The following LPAR1 variants were observed in gnomAD, a reference collection of about 807,000 sequenced individuals.
LPAR1 encodes the protein lysophosphatidic acid receptor 1, also known as LPA receptor 1.
A neutral mutation model predicts 23.8 loss-of-function variants in LPAR1; 5 were observed. That is an observed-to-expected ratio of 0.21 (90% CI 0.11 to 0.44). The LOEUF (loss-of-function observed/expected upper bound fraction) is 0.44. LPAR1 is among the 20% of genes least tolerant of loss of function. The pLI, the probability that LPAR1 is intolerant of heterozygous loss-of-function variation, is 0.99. For synonymous variants in LPAR1, 160 were observed against 164.7 expected (o/e 0.97, Z 0.22); for missense variants, 311 against 482.8 (o/e 0.64, Z 3.33).
At chr9:111,036,351 A>C (rs1229077377) in intron 1 of LPAR1, 150 bp from the exon 2 acceptor site, 2 of 151,590 alleles carry the variant, frequency 1.3e-5, no homozygotes, top group Non-Finnish European at 2.9e-5. Flanking sequence ...AGGTGGGGGA[A>C]GTATTATTGA....
intron 4 of LPAR1, among the ~76,000 whole-genome samples, chr9:110,960,099 G>T (rs957581513): frequency 1.3e-5 from 2 of 152,126 alleles, no homozygotes; most frequent in Non-Finnish European, 2.9e-5. Flanking sequence ...AGAGTAGGGT[G>T]GCTATAGTTA....
At chr9:110,949,559 T>C (rs1168423255) in intron 4 of LPAR1, among the ~76,000 whole-genome samples, 1 of 152,218 alleles carries the variant, frequency 6.6e-6, no homozygotes, top group African/African-American at 2.4e-5. Flanking sequence ...GGCTCAACAT[T>C]CTACTTCCAT....
chr9:110,926,680 G>T lies in LPAR1; in HGVS notation c.793+14741C>A, dbSNP rs530916788. ...TAGCTCTTCAAGAGCCAAGAATTTTGTCCGAGTGGTTTTGTGTTTTTTTTC... is the reference window on the plus strand; with the variant it reads ...TAGCTCTTCAAGAGCCAAGAATTTTTTCCGAGTGGTTTTGTGTTTTTTTTC... On this transcript the variant is annotated intron_variant, in intron 5 of 5. Transcript: ENST00000683809. Among the ~76,000 whole-genome samples the T allele has an allele frequency of 2.9e-5, 4 of 138,348 alleles. No homozygotes were observed. In the East Asian group the frequency reaches 6.7e-4, roughly 23 times the overall value. 90.8% of individuals were successfully genotyped at this position (138,348 alleles called of 152,430 possible). A position where few individuals can be genotyped will look rare whatever the true frequency, so the allele number is the denominator to read the frequency against.
chr9:110,917,401 C>T (rs753121635), intron 5 of LPAR1, among the ~76,000 whole-genome samples: 34 of 152,128 alleles, frequency 2.2e-4, no homozygotes, highest in African/African-American at 6.3e-4. Context: ...CAGGGCAATA[C>T]GTTTTTAATA....
intron 5 of LPAR1, among the ~76,000 whole-genome samples, chr9:110,916,008 AT>A (rs2093046048): frequency 2.7e-5 from 2 of 74,330 alleles, no homozygotes; most frequent in Admixed American, 1.4e-4. Context: ...ATATAACCTT[AT>A]GGTTAAAATG....
At chr9:110,999,172 C>A (rs891189194) in intron 2 of LPAR1, among the ~76,000 whole-genome samples, 1 of 152,156 alleles carries the variant, frequency 6.6e-6, no homozygotes, top group Non-Finnish European at 1.5e-5. Context: ...CCAATATGTC[C>A]ACACCCAATT....
rs187811353 is a variant in LPAR1, at chr9:110,987,622, A to C, written c.-181-14064T>G. Among the ~76,000 whole-genome samples, 564 of 151,784 alleles carry C rather than the reference A, an allele frequency of 3.7e-3. 9 individuals carry two copies. The highest frequency in any genetic ancestry group is 1.0e-3 in the Non-Finnish European group (70 of 67,934). ...AGTTCCACCTGGGGAGTAGGTAAGG[A>C]GAACCCATTGGGCAGTTACACCACA... On this transcript the variant is annotated intron_variant, in intron 2 of 5. Coordinates refer to ENST00000683809, the MANE Select transcript of LPAR1 (RefSeq NM_001351411.2).
chr9:111,030,714 CT>C (rs1328490554), intron 2 of LPAR1, among the ~76,000 whole-genome samples: 6 of 152,176 alleles, frequency 3.9e-5, no homozygotes, highest in Non-Finnish European at 7.3e-5. Context: ...AAATAGTTTT[CT>C]TATTCCCGTT....
At chr9:111,007,428 C>A (rs1323062330) in intron 2 of LPAR1, among the ~76,000 whole-genome samples, 1 of 151,916 alleles carries the variant, frequency 6.6e-6, no homozygotes, top group Non-Finnish European at 1.5e-5. Context: ...ATAGCTTAAA[C>A]AAGTAAATTT....
At chr9:111,030,935 T>A (rs2097783227) in intron 2 of LPAR1, among the ~76,000 whole-genome samples, 1 of 152,136 alleles carries the variant, frequency 6.6e-6, no homozygotes, top group Non-Finnish European at 1.5e-5. Context: ...CATATGAGTA[T>A]GTATAAACAT....
chr9:111,002,738 G>A (rs2097150924), intron 2 of LPAR1, among the ~76,000 whole-genome samples: 1 of 152,118 alleles, frequency 6.6e-6, no homozygotes. Flanking sequence ...TAAGGCTAAT[G>A]GAACAAAGCA....
chr9:110,876,520 A>T (rs973875631), intron 5 of LPAR1, among the ~76,000 whole-genome samples: 14 of 152,238 alleles, frequency 9.2e-5, no homozygotes, highest in Admixed American at 2.0e-4. Flanking sequence ...GTACAGATGA[A>T]GGAACTGAGA....
chr9:111,031,867 C>T (rs772798936), intron 2 of LPAR1, among the ~76,000 whole-genome samples: 2 of 152,082 alleles, frequency 1.3e-5, no homozygotes, highest in South Asian at 4.2e-4. Flanking sequence ...AAGGGAAAGG[C>T]CAACTCACCT....
chr9:111,003,172 T>C (rs1312226121), intron 2 of LPAR1, among the ~76,000 whole-genome samples: 1 of 152,184 alleles, frequency 6.6e-6, no homozygotes, highest in Non-Finnish European at 1.5e-5. Context: ...TACATTAAAA[T>C]TGCCTCAGAA....
chr9:111,024,544 GTATATATATACACACACA>G (rs970205650), intron 2 of LPAR1, among the ~76,000 whole-genome samples: 2 of 108,036 alleles, frequency 1.9e-5, no homozygotes, highest in Non-Finnish European at 4.0e-5. Flanking sequence ...GTGTGTGTGT[GTATATATATACACACACA>G]TATATATACA....
intron 5 of LPAR1, among the ~76,000 whole-genome samples, chr9:110,892,821 G>GC (rs1441799003): frequency 0.011 from 1,187 of 107,244 alleles, 22 homozygotes; most frequent in African/African-American, 0.045. Flanking sequence ...AGGAAGGAAG[G>GC]AAGGAAGGCA....
intron 4 of LPAR1, among the ~76,000 whole-genome samples, chr9:110,965,815 C>T (rs1360994348): frequency 1.3e-5 from 2 of 152,212 alleles, no homozygotes; most frequent in African/African-American, 4.8e-5. Context: ...TATGAAGACA[C>T]ATGCACACGC....
chr9:110,896,910 C>T (rs1977415), intron 5 of LPAR1, among the ~76,000 whole-genome samples: 24,715 of 151,272 alleles, frequency 0.16, 2,547 homozygotes, highest in Admixed American at 0.24. Flanking sequence ...GCCTCAGCCT[C>T]CCGAGTAGCT....
intron 2 of LPAR1, among the ~76,000 whole-genome samples, chr9:110,985,108 A>T (rs2096753732): frequency 6.6e-6 from 1 of 152,184 alleles, no homozygotes; most frequent in East Asian, 1.9e-4. Context: ...GGGATGAAGG[A>T]GGCTATGGGT....
Sources: allele counts gnomAD v4.1 joint callset (sites outside exome capture counted in the v4.1 genomes callset), GRCh38; gene constraint gnomAD v4.1.1; transcripts MANE v1.5; gene names NCBI Gene and HGNC (gene_info 2026-07-23, HGNC 2026-07-21).